Variants in C12orf42 observed in about 807,000 individuals in gnomAD.
C12orf42 encodes the protein uncharacterized protein C12orf42.
Under a neutral mutation model 21.6 loss-of-function variants are expected in C12orf42, and 25 were observed. That is an observed-to-expected ratio of 1.16 (90% CI 0.84 to 1.62). The LOEUF is 1.62. Among genes scored for constraint, C12orf42 ranks in the 40% most tolerant of loss-of-function variants. The probability of loss-of-function intolerance (pLI) is 0.00; values close to 1 mark genes in which losing one functional copy is unlikely to be tolerated. For synonymous variants in C12orf42, 174 were observed against 175.0 expected (o/e 0.99, Z 0.05); for missense variants, 483 against 459.3 (o/e 1.05, Z -0.47).
chr12:103,444,112 G>A (rs1951430453), intron 2 of C12orf42, among the ~76,000 whole-genome samples: 1 of 151,738 alleles, frequency 6.6e-6, no homozygotes, highest in South Asian at 2.1e-4. Flanking sequence ...TTTGCTGTTT[G>A]TTACCCATTT....
chr12:103,251,605 G>C (rs1383519342), intron 10 of C12orf42, among the ~76,000 whole-genome samples: 2 of 152,154 alleles, frequency 1.3e-5, no homozygotes, highest in African/African-American at 4.8e-5. Flanking sequence ...CAAAGGAAGA[G>C]AAACTTGACC....
rs1332449955 is a variant in C12orf42, at chr12:103,286,127, T to C, written n.338-8917A>G. Among the ~76,000 whole-genome samples, 4 of 152,066 alleles carry C rather than the reference T, an allele frequency of 2.6e-5. No homozygotes were observed. The East Asian group carries it at 7.7e-4, about 29-fold the overall frequency. On this transcript the variant is annotated intron_variant and non_coding_transcript_variant, in intron 4 of 6. Coordinates refer to the C12orf42 transcript ENST00000546526. ...TCAGCTGGGCGTGGTGGCAGGCGCC[T>C]GTAGTCCCAGCTACTCCGGAGGCTG...
intron 5 of C12orf42, among the ~76,000 whole-genome samples, chr12:103,276,164 T>C (rs1338461786): frequency 6.6e-6 from 1 of 152,204 alleles, no homozygotes; most frequent in Non-Finnish European, 1.5e-5. Context: ...GAAAAACTTT[T>C]AATAAATTTT....
At chr12:103,383,682 T>C (rs2046362920) in intron 3 of C12orf42, among the ~76,000 whole-genome samples, 1 of 152,182 alleles carries the variant, frequency 6.6e-6, no homozygotes, top group African/African-American at 2.4e-5. Flanking sequence ...AGTATGGCAA[T>C]AAACCATAGC....
chr12:103,119,628 A>G, the C12orf42 span, among the ~76,000 whole-genome samples: 1 of 152,222 alleles, frequency 6.6e-6, no homozygotes, highest in Non-Finnish European at 1.5e-5. Flanking sequence ...TATATGCCCC[A>G]TGAGGAGAAG....
At chr12:103,258,239 T>C (rs1360332270) in intron 10 of C12orf42, among the ~76,000 whole-genome samples, 1 of 152,084 alleles carries the variant, frequency 6.6e-6, no homozygotes, top group Non-Finnish European at 1.5e-5. Flanking sequence ...AATAGAGAAC[T>C]AAGTCTAAAT....
chr12:103,118,419 A>G, the C12orf42 span, among the ~76,000 whole-genome samples: 1 of 152,220 alleles, frequency 6.6e-6, no homozygotes, highest in African/African-American at 2.4e-5. Flanking sequence ...CATGAGCACC[A>G]TTAGCCATCA....
chr12:103,295,184 C>T (rs917511056), intron 4 of C12orf42, among the ~76,000 whole-genome samples: 2 of 152,168 alleles, frequency 1.3e-5, no homozygotes, highest in Non-Finnish European at 2.9e-5. Flanking sequence ...TGACAACAAC[C>T]TCTTTCCTGT....
the C12orf42 span, among the ~76,000 whole-genome samples, chr12:103,110,266 T>C: frequency 6.6e-6 from 1 of 152,190 alleles, no homozygotes; most frequent in Non-Finnish European, 1.5e-5. Context: ...CTAGAAAAAC[T>C]TGTCTAATGA....
chr12:103,345,947 G>T (rs1339157511), intron 4 of C12orf42, among the ~76,000 whole-genome samples: 1 of 152,068 alleles, frequency 6.6e-6, no homozygotes, highest in Non-Finnish European at 1.5e-5. Flanking sequence ...AATGATAAGT[G>T]CACAGTTATA....
intron 4 of C12orf42, among the ~76,000 whole-genome samples, chr12:103,313,201 G>A (rs961794336): frequency 6.6e-6 from 1 of 152,146 alleles, no homozygotes; most frequent in Non-Finnish European, 1.5e-5. Flanking sequence ...GAAGCTAATC[G>A]ATTTCATCTC....
At chr12:103,258,631 A>G (rs2034733871) in intron 10 of C12orf42, among the ~76,000 whole-genome samples, 2 of 152,150 alleles carry the variant, frequency 1.3e-5, no homozygotes, top group South Asian at 4.1e-4. Context: ...ACTAACGAAG[A>G]TCCAAAAAAG....
At chr12:103,323,659 G>A (rs1442152136) in intron 4 of C12orf42, among the ~76,000 whole-genome samples, 2 of 152,210 alleles carry the variant, frequency 1.3e-5, no homozygotes, top group African/African-American at 4.8e-5. Context: ...CAGAAAAGTA[G>A]ATGTTCTCTC....
At chr12:103,113,252 T>G in the C12orf42 span, among the ~76,000 whole-genome samples, 5 of 152,196 alleles carry the variant, frequency 3.3e-5, no homozygotes, top group African/African-American at 1.2e-4. Context: ...GAGATATGAG[T>G]GGTAGTGGGT....
the C12orf42 span, among the ~76,000 whole-genome samples, chr12:103,120,426 G>C: frequency 6.6e-6 from 1 of 152,302 alleles, no homozygotes; most frequent in South Asian, 2.1e-4. Context: ...CATTTGCAGA[G>C]GGATGGGATG....
chr12:103,137,187 A>T, the C12orf42 span, among the ~76,000 whole-genome samples: 1 of 152,178 alleles, frequency 6.6e-6, no homozygotes, highest in South Asian at 2.1e-4. Context: ...AAAAACATAA[A>T]TAATACCATT....
chr12:103,293,071 C>T (rs1021813298), intron 4 of C12orf42, among the ~76,000 whole-genome samples: 5 of 151,906 alleles, frequency 3.3e-5, no homozygotes, highest in Non-Finnish European at 7.4e-5. Flanking sequence ...AAAAGCCACA[C>T]ATACTATGCC....
intron 4 of C12orf42, among the ~76,000 whole-genome samples, chr12:103,292,584 A>T (rs2036892989): frequency 6.6e-6 from 1 of 152,088 alleles, no homozygotes; most frequent in South Asian, 2.1e-4. Context: ...TATCAGTATT[A>T]CTTAGTTACT....
At chr12:103,423,261 C>G (rs575612299) in intron 2 of C12orf42, among the ~76,000 whole-genome samples, 6 of 152,310 alleles carry the variant, frequency 3.9e-5, no homozygotes, top group African/African-American at 1.4e-4. Flanking sequence ...GGGCCCTCCC[C>G]CCCTTGGCCC....
Sources: gnomAD v4.1 joint callset for allele counts (sites outside exome capture counted in the v4.1 genomes callset) on GRCh38, gnomAD v4.1.1 for gene constraint, MANE v1.5 for transcripts, NCBI Gene and HGNC (gene_info 2026-07-23, HGNC 2026-07-21) for gene names.